Variants in METTL8 observed in about 807,000 individuals in gnomAD.
METTL8 encodes the protein tRNA N(3)-cytidine methyltransferase METTL8, mitochondrial.
Under a neutral mutation model 48.7 loss-of-function variants are expected in METTL8, and 32 were observed. The observed-to-expected ratio is 0.66, with a 90% confidence interval of 0.50 to 0.88. The LOEUF is 0.88. METTL8 is among the 40% of genes least tolerant of loss of function. METTL8 has a pLI of 0.00. For missense variants in METTL8, 464 were observed against 474.4 expected (o/e 0.98, Z 0.20); for synonymous variants, 136 against 157.1 (o/e 0.87, Z 1.01).
chr2:171,419,183 C>G (rs1162112039), intron 1 of METTL8, among the ~76,000 whole-genome samples: 1 of 152,108 alleles, frequency 6.6e-6, no homozygotes, highest in African/African-American at 2.4e-5. Flanking sequence ...AATCTTTGTT[C>G]CTTTTATTAG....
At chr2:171,342,981 T>C (rs1240215473) in intron 3 of METTL8, among the ~76,000 whole-genome samples, 2 of 151,948 alleles carry the variant, frequency 1.3e-5, no homozygotes, top group African/African-American at 4.8e-5. Flanking sequence ...AAGATGAGCC[T>C]GGACAACAAA....
At chr2:171,338,358 CCAGG>C (rs1051434580) in intron 4 of METTL8, among the ~76,000 whole-genome samples, 3 of 152,002 alleles carry the variant, frequency 2.0e-5, no homozygotes, top group Non-Finnish European at 4.4e-5. Context: ...AAAAGGTCAG[CCAGG>C]CACAGTGGCT....
At chr2:171,388,494 A>C (rs576573526) in intron 2 of METTL8, among the ~76,000 whole-genome samples, 8 of 152,268 alleles carry the variant, frequency 5.3e-5, no homozygotes, top group African/African-American at 1.9e-4. Flanking sequence ...AAAATGCCTT[A>C]TATTTCCTCA....
intron 1 of METTL8, among the ~76,000 whole-genome samples, chr2:171,398,726 T>C (rs1383351437): frequency 6.6e-6 from 1 of 152,172 alleles, no homozygotes; most frequent in African/African-American, 2.4e-5. Flanking sequence ...CAAAGGTAAC[T>C]ATGTGAGAAG....
At chr2:171,396,543 G>A (rs1014668599) in intron 1 of METTL8, among the ~76,000 whole-genome samples, 3 of 151,992 alleles carry the variant, frequency 2.0e-5, no homozygotes, top group Non-Finnish European at 2.9e-5. Context: ...TTTTCTAATA[G>A]GCAGTGCTTT....
At position 171,369,796 on chromosome 2, in the gene METTL8, G is replaced by A. The variant is rs571770192; in HGVS notation, c.144-9283C>T. On this transcript the variant is annotated intron_variant, in intron 2 of 9. Transcript: ENST00000375258. ...AAAATTATTCAATTAGGCTGGTCAC[G>A]GTGGCTCACACCTGTAATACCAGCA... Among the ~76,000 whole-genome samples the A allele has an allele frequency of 7.2e-5, 11 of 152,258 alleles. No individual in the cohort carries two copies. The South Asian group carries it at 2.1e-3, about 29-fold the overall frequency.
At chr2:171,361,977 T>C (rs1685213328) in intron 2 of METTL8, among the ~76,000 whole-genome samples, 1 of 151,772 alleles carries the variant, frequency 6.6e-6, no homozygotes, top group South Asian at 2.1e-4. Context: ...TGGGTTCAGG[T>C]TAGGAGGAAA....
chr2:171,388,348 T>C (rs1310263061), intron 2 of METTL8, among the ~76,000 whole-genome samples: 2 of 152,216 alleles, frequency 1.3e-5, no homozygotes, highest in Non-Finnish European at 1.5e-5. Flanking sequence ...TAATGCCTTA[T>C]ACTTCAGCTA....
chr2:171,321,261 T>C lies in METTL8; in HGVS notation c.*2911A>G, dbSNP rs1237400364. Reference sequence around the variant, plus strand: ...CTTGATTTTCCTTTGAAGAACTTTCTTCCATTCCAGGAAGTGAAATTTCCT... The same window carrying C: ...CTTGATTTTCCTTTGAAGAACTTTCCTCCATTCCAGGAAGTGAAATTTCCT... On this transcript the variant is annotated 3_prime_UTR_variant, in exon 10 of 10. Coordinates refer to ENST00000375258, the MANE Select transcript of METTL8 (RefSeq NM_001321154.2). 1 of 152,230 alleles carries C rather than the reference T, an allele frequency of 6.6e-6. No individual in the cohort carries two copies. The highest frequency in any genetic ancestry group is 6.5e-5 in the Admixed American group (1 of 15,282). 9.4% of individuals were successfully genotyped at this position (152,230 alleles called of 1,614,324 possible).
At chr2:171,391,196 C>T (rs757392095) in intron 2 of METTL8, among the ~76,000 whole-genome samples, 2 of 152,220 alleles carry the variant, frequency 1.3e-5, no homozygotes, top group Admixed American at 6.5e-5. Flanking sequence ...TGACTGTTAG[C>T]ATTTTTTAGC....
intron 1 of METTL8, among the ~76,000 whole-genome samples, chr2:171,397,554 A>C (rs932029740): frequency 3.9e-5 from 3 of 77,374 alleles, no homozygotes; most frequent in African/African-American, 2.4e-4. Context: ...ACCCTGCCTC[A>C]AAAAAAAAAA....
Position 171,358,697 on chromosome 2 carries a change from T to C in METTL8, c.235+1725A>G, listed in dbSNP as rs114199802. On this transcript the variant is annotated intron_variant, in intron 3 of 9. Transcript: ENST00000375258. ...GACTTAAATCTATGACCTGAAACTA[T>C]GAAATTACTAGAAGAAAACATTGGG... is the stretch of plus-strand genomic sequence containing the variant. 2.6e-3 allele frequency among the ~76,000 whole-genome samples: 376 copies of C among 147,066 alleles called. 1 individual carries two copies. The highest frequency in any genetic ancestry group is 4.1e-3 in the Non-Finnish European group (270 of 65,722).
chr2:171,337,298 T>C (rs3731987), intron 5 of METTL8, among the ~76,000 whole-genome samples, 155 bp downstream of exon 5: 58,152 of 152,086 alleles, frequency 0.38, 12,303 homozygotes, highest in African/African-American at 0.56. Context: ...AAAGTAGACA[T>C]TGAGATTAAG....
intron 1 of METTL8, among the ~76,000 whole-genome samples, chr2:171,421,198 T>C (rs1047405288): frequency 2.0e-5 from 3 of 152,224 alleles, no homozygotes; most frequent in African/African-American, 7.2e-5. Context: ...TTTGGCAAGA[T>C]TGCCAAATAA....
intron 1 of METTL8, among the ~76,000 whole-genome samples, chr2:171,406,739 A>G (rs1043160490): frequency 6.6e-6 from 1 of 152,200 alleles, no homozygotes; most frequent in South Asian, 2.1e-4. Context: ...CCTTGGAGCC[A>G]TGAGTGGGCC....
intron 1 of METTL8, among the ~76,000 whole-genome samples, chr2:171,393,104 AAAAC>A: frequency 6.6e-6 from 1 of 151,938 alleles, no homozygotes. Context: ...ACTCTGTCTC[AAAAC>A]AAACAAAACA....
At chr2:171,346,647 AT>A (rs1333076162) in intron 3 of METTL8, among the ~76,000 whole-genome samples, 2 of 152,172 alleles carry the variant, frequency 1.3e-5, no homozygotes, top group Non-Finnish European at 2.9e-5. Context: ...TGCATATAGA[AT>A]ACTCTGTGAT....
At chr2:171,344,705 C>T (rs1257809815) in intron 3 of METTL8, among the ~76,000 whole-genome samples, 1 of 152,184 alleles carries the variant, frequency 6.6e-6, no homozygotes, top group Non-Finnish European at 1.5e-5. Context: ...AACAGAGAAG[C>T]AGCACCAGTG....
chr2:171,386,128 A>G (rs1232803539), intron 2 of METTL8, among the ~76,000 whole-genome samples: 1 of 152,210 alleles, frequency 6.6e-6, no homozygotes, highest in Non-Finnish European at 1.5e-5. Flanking sequence ...CAGAACTTAA[A>G]TCAGTAGGCA....
Sources: gnomAD v4.1 joint callset for allele counts (sites outside exome capture counted in the v4.1 genomes callset) on GRCh38, gnomAD v4.1.1 for gene constraint, MANE v1.5 for transcripts, NCBI Gene and HGNC (gene_info 2026-07-23, HGNC 2026-07-21) for gene names.